The following CNTNAP2 variants were observed in gnomAD, a reference collection of about 807,000 sequenced individuals.
The protein encoded by CNTNAP2 is contactin-associated protein-like 2.
CNTNAP2 carries 98 observed loss-of-function variants against 155.2 expected under a neutral mutation model. The ratio of observed to expected loss-of-function variants is 0.63; its 90% CI spans 0.54 to 0.75. The LOEUF (loss-of-function observed/expected upper bound fraction) is 0.75. Ranked by LOEUF, CNTNAP2 falls within the 30% of genes least tolerant of loss-of-function variation. CNTNAP2 has a pLI of 0.00. For missense variants in CNTNAP2, 1,727 were observed against 1,688.1 expected (o/e 1.02, Z -0.40); for synonymous variants, 651 against 631.2 (o/e 1.03, Z -0.47).
intron 1 of CNTNAP2, among the ~76,000 whole-genome samples, chr7:146,234,775 T>A (rs1799444091): frequency 6.6e-6 from 1 of 152,186 alleles, no homozygotes; most frequent in Non-Finnish European, 1.5e-5. Flanking sequence ...GCACAGAGTA[T>A]TCTGAAATAT....
At chr7:146,588,874 A>G (rs1798739206) in intron 1 of CNTNAP2, among the ~76,000 whole-genome samples, 1 of 152,170 alleles carries the variant, frequency 6.6e-6, no homozygotes, top group South Asian at 2.1e-4. Flanking sequence ...TAAGATCACA[A>G]TTATTTAGTG....
intron 1 of CNTNAP2, among the ~76,000 whole-genome samples, chr7:146,620,725 A>G (rs1799303369): frequency 6.6e-6 from 1 of 152,202 alleles, no homozygotes; most frequent in Non-Finnish European, 1.5e-5. Context: ...TTGATGATCC[A>G]GTGAGAGTAC....
chr7:147,310,832 A>AG (rs899022534), intron 9 of CNTNAP2, among the ~76,000 whole-genome samples: 77 of 152,310 alleles, frequency 5.1e-4, no homozygotes, highest in African/African-American at 1.8e-3. Flanking sequence ...TTTTGCAGCG[A>AG]GGAAGAGAGA....
At chr7:146,128,816 A>G (rs1402073264) in intron 1 of CNTNAP2, among the ~76,000 whole-genome samples, 1 of 152,132 alleles carries the variant, frequency 6.6e-6, no homozygotes, top group African/African-American at 2.4e-5. Flanking sequence ...AAGAAGTATT[A>G]TAATTGTAAT....
intron 1 of CNTNAP2, among the ~76,000 whole-genome samples, chr7:146,193,495 C>T (rs1321996497): frequency 6.6e-6 from 1 of 152,240 alleles, no homozygotes; most frequent in African/African-American, 2.4e-5. Context: ...GGGGCTTGCA[C>T]CCTCTGAAGC....
chr7:146,859,300 G>A (rs1795051403), intron 3 of CNTNAP2, among the ~76,000 whole-genome samples: 1 of 152,144 alleles, frequency 6.6e-6, no homozygotes, highest in African/African-American at 2.4e-5. Flanking sequence ...ACAGTATTAT[G>A]CATTAGCCCC....
intron 3 of CNTNAP2, among the ~76,000 whole-genome samples, chr7:147,033,798 GAAA>G (rs71525985): frequency 8.4e-6 from 1 of 118,904 alleles, no homozygotes; most frequent in African/African-American, 3.0e-5. Flanking sequence ...GTGAAGAGGG[GAAA>G]AAAAAAAAAA....
intron 8 of CNTNAP2, among the ~76,000 whole-genome samples, chr7:147,273,795 TA>T (rs1432825789): frequency 1.4e-5 from 2 of 146,776 alleles, no homozygotes; most frequent in Non-Finnish European, 1.5e-5. Context: ...ATTTTATATA[TA>T]TTTTTATATC....
rs1027161273 is a variant in CNTNAP2, at chr7:146,246,240, GT to G, written c.97+129268del. 4.9e-3 allele frequency among the ~76,000 whole-genome samples: 745 copies of G among 150,570 alleles called. 3 individuals carry two copies. Among genetic ancestry groups the G allele is most frequent in the Non-Finnish European group, 7.0e-3 (477 of 67,752 alleles). On this transcript the variant is annotated intron_variant, in intron 1 of 23. Transcript: ENST00000361727. The stretch of plus-strand genomic sequence containing the variant: ...TCTTATACTTGTGGGTTAAGGTGGG[GT>G]AATACAAGAGGAGGACGCAAAGGAG...
intron 14 of CNTNAP2, among the ~76,000 whole-genome samples, chr7:147,977,520 C>A (rs748164250): frequency 7.9e-5 from 12 of 152,194 alleles, no homozygotes; most frequent in Admixed American, 2.0e-4. Flanking sequence ...TGTTGAACTT[C>A]TGATTCCATG....
At chr7:147,125,873 TCTC>T (rs1229398195) in intron 6 of CNTNAP2, among the ~76,000 whole-genome samples, 2 of 152,230 alleles carry the variant, frequency 1.3e-5, no homozygotes, top group Non-Finnish European at 2.9e-5. Context: ...GCACGTTTAT[TCTC>T]CTTTATGTAA....
At chr7:146,871,746 T>G (rs1355244198) in intron 3 of CNTNAP2, among the ~76,000 whole-genome samples, 1 of 152,058 alleles carries the variant, frequency 6.6e-6, no homozygotes, top group Non-Finnish European at 1.5e-5. Flanking sequence ...TGGTTATAAA[T>G]CATATGATTT....
intron 3 of CNTNAP2, among the ~76,000 whole-genome samples, chr7:146,865,878 C>T (rs1795194877): frequency 6.6e-6 from 1 of 152,022 alleles, no homozygotes; most frequent in Admixed American, 6.6e-5. Flanking sequence ...ACAGTAAAAG[C>T]CTTGTATACA....
At position 146,446,244 on chromosome 7, in the gene CNTNAP2, A is replaced by G. The variant is rs563377736; in HGVS notation, c.98-328027A>G. 2.1e-4 allele frequency among the ~76,000 whole-genome samples: 32 copies of G among 152,284 alleles called. No homozygotes were observed. In the South Asian group the frequency reaches 6.2e-3, roughly 30 times the overall value. On this transcript the variant is annotated intron_variant, in intron 1 of 23. Coordinates refer to ENST00000361727, the MANE Select transcript of CNTNAP2 (RefSeq NM_014141.6). ...TAATATGACACAGTATGAAGCAAAT[A>G]TAGTGAAAACTAGAAAACAGTCTTG...
At chr7:146,193,216 T>G (rs895777166) in intron 1 of CNTNAP2, among the ~76,000 whole-genome samples, 11 of 152,166 alleles carry the variant, frequency 7.2e-5, no homozygotes, top group African/African-American at 2.7e-4. Flanking sequence ...GTTCTAACAT[T>G]CTGGGGTCTG....
intron 10 of CNTNAP2, among the ~76,000 whole-genome samples, chr7:147,459,834 T>C (rs1266456120): frequency 6.6e-6 from 1 of 152,182 alleles, no homozygotes; most frequent in Non-Finnish European, 1.5e-5. Context: ...TAGCATTCTG[T>C]CCTGGAAAAT....
chr7:148,040,423 C>T (rs1019790563), intron 15 of CNTNAP2, among the ~76,000 whole-genome samples: 21 of 152,142 alleles, frequency 1.4e-4, no homozygotes, highest in African/African-American at 3.9e-4. Flanking sequence ...TCCTCAGACA[C>T]GTTGACTTAA....
chr7:147,625,976 A>C (rs1794964175), intron 12 of CNTNAP2, among the ~76,000 whole-genome samples: 4 of 152,186 alleles, frequency 2.6e-5, no homozygotes, highest in African/African-American at 9.7e-5. Context: ...TAAAAGTAGA[A>C]GTAGCAGCAG....
intron 15 of CNTNAP2, among the ~76,000 whole-genome samples, chr7:148,042,659 C>A (rs1297187728): frequency 6.6e-6 from 1 of 152,204 alleles, no homozygotes; most frequent in Non-Finnish European, 1.5e-5. Context: ...AGACACTAGA[C>A]CATACCACCT....
Sources: allele counts gnomAD v4.1 joint callset (sites outside exome capture counted in the v4.1 genomes callset), GRCh38; gene constraint gnomAD v4.1.1; transcripts MANE v1.5; gene names NCBI Gene and HGNC (gene_info 2026-07-23, HGNC 2026-07-21).